The following CDH12 variants were observed in gnomAD, a reference collection of about 807,000 sequenced individuals.
CDH12 encodes the protein cadherin-12.
CDH12 carries 41 observed loss-of-function variants against 74.1 expected under a neutral mutation model. That is an observed-to-expected ratio of 0.55 (90% CI 0.43 to 0.72). The LOEUF is 0.72. Ranked by LOEUF, CDH12 falls within the 30% of genes least tolerant of loss-of-function variation. The pLI is 0.00. For synonymous variants in CDH12, 399 were observed against 355.0 expected, an observed-to-expected ratio of 1.12 and a Z score of -1.39; for missense variants, 945 against 977.2, an observed-to-expected ratio of 0.97 and a Z score of 0.44.
At chr5:21,827,869 A>G (rs1393463558) in intron 8 of CDH12, among the ~76,000 whole-genome samples, 4 of 152,172 alleles carry the variant, frequency 2.6e-5, no homozygotes, top group African/African-American at 7.2e-5. Context: ...AAGTGCATCA[A>G]TAATTTTTCA....
chr5:21,872,890 C>CTATCTATCTATCT (rs1281675541), intron 6 of CDH12, among the ~76,000 whole-genome samples: 1 of 7,538 alleles, frequency 1.3e-4, no homozygotes, highest in Non-Finnish European at 4.7e-4. Context: ...ACCTACCTAT[C>CTATCTATCTATCT]ATCCATCTAT....
intron 6 of CDH12, among the ~76,000 whole-genome samples, chr5:21,857,117 G>A (rs189425480): frequency 3.0e-4 from 45 of 151,824 alleles, no homozygotes; most frequent in African/African-American, 6.5e-4. Flanking sequence ...GCAAATCTCC[G>A]AGGACTACCT....
chr5:21,751,173 A>G lies in CDH12; in HGVS notation c.*564T>C, dbSNP rs796770777. The stretch of plus-strand genomic sequence containing the variant: ...AACCTTTTGAATTAGAAGAAGGTGG[A>G]GATCAGAAAGTGTTCTTCTTTTGTT... On this transcript the variant is annotated 3_prime_UTR_variant, in exon 15 of 15. Coordinates refer to ENST00000382254, the MANE Select transcript of CDH12 (RefSeq NM_004061.5). The G allele has an allele frequency of 6.5e-6, 1 of 152,726 alleles. No individual in the cohort carries two copies. Among genetic ancestry groups the G allele is most frequent in the Admixed American group, 6.5e-5 (1 of 15,282 alleles). 9.5% of individuals were successfully genotyped at this position (152,726 alleles called of 1,614,324 possible).
intron 1 of CDH12, among the ~76,000 whole-genome samples, chr5:22,565,730 G>A (rs1739252642): frequency 6.6e-6 from 1 of 152,094 alleles, no homozygotes; most frequent in Admixed American, 6.5e-5. Flanking sequence ...GCCATGTCAA[G>A]GACAGGCAGA....
At chr5:22,482,651 C>T (rs1440147210) in intron 2 of CDH12, among the ~76,000 whole-genome samples, 4 of 152,006 alleles carry the variant, frequency 2.6e-5, no homozygotes, top group Non-Finnish European at 4.4e-5. Flanking sequence ...TTAATGTTGT[C>T]AGCATAAGAG....
At chr5:22,304,354 G>T (rs1738016534) in intron 3 of CDH12, among the ~76,000 whole-genome samples, 1 of 152,128 alleles carries the variant, frequency 6.6e-6, no homozygotes, top group South Asian at 2.1e-4. Flanking sequence ...GGGGGTGTGT[G>T]TGCACGTACT....
At chr5:21,956,071 TA>T (rs1255014281) in intron 6 of CDH12, among the ~76,000 whole-genome samples, 1 of 152,010 alleles carries the variant, frequency 6.6e-6, no homozygotes, top group African/African-American at 2.4e-5. Flanking sequence ...GTTAAAAGCT[TA>T]AACTAATTGT....
intron 10 of CDH12, among the ~76,000 whole-genome samples, chr5:21,796,640 T>C (rs1746797286): frequency 1.3e-5 from 2 of 152,050 alleles, no homozygotes; most frequent in African/African-American, 4.8e-5. Flanking sequence ...AATTAAATAA[T>C]CTATTTTTTT....
rs937994737 is a variant in CDH12, at chr5:22,071,834, A to C, written c.231+6612T>G. Among the ~76,000 whole-genome samples the C allele has an allele frequency of 2.0e-5, 3 of 152,152 alleles. No individual in the cohort carries two copies. The South Asian group carries it at 6.2e-4, about 31-fold the overall frequency. On this transcript the variant is annotated intron_variant, in intron 5 of 14. Coordinates refer to ENST00000382254, the MANE Select transcript of CDH12 (RefSeq NM_004061.5). ...GAGTCCCAAATCTACAAGGGATACT[A>C]ATAAAACAGAAGTCAGAAATCTGTG...
intron 3 of CDH12, among the ~76,000 whole-genome samples, chr5:22,271,905 A>G (rs780450251): frequency 1.3e-5 from 2 of 152,142 alleles, no homozygotes; most frequent in Non-Finnish European, 2.9e-5. Flanking sequence ...GGGCACAGGC[A>G]GAGTAGATTT....
intron 6 of CDH12, among the ~76,000 whole-genome samples, chr5:21,972,114 C>A (rs1299288241): frequency 6.6e-6 from 1 of 152,076 alleles, no homozygotes; most frequent in Non-Finnish European, 1.5e-5. Context: ...ATTTTCATTG[C>A]AGGTTTATTT....
chr5:22,030,510 G>T (rs1738742981), intron 5 of CDH12, among the ~76,000 whole-genome samples: 1 of 152,100 alleles, frequency 6.6e-6, no homozygotes, highest in Admixed American at 6.6e-5. Context: ...ACAATACCTA[G>T]TAAGTTATGC....
intron 11 of CDH12, among the ~76,000 whole-genome samples, chr5:21,769,274 T>C (rs1745192703): frequency 6.6e-6 from 1 of 151,978 alleles, no homozygotes; most frequent in South Asian, 2.1e-4. Flanking sequence ...GACCCAAATA[T>C]AAATTTTTAA....
At chr5:22,649,660 A>C (rs774114390) in intron 1 of CDH12, among the ~76,000 whole-genome samples, 2 of 152,038 alleles carry the variant, frequency 1.3e-5, no homozygotes, top group Non-Finnish European at 2.9e-5. Context: ...GCCTATCCTT[A>C]TTTGAAAATG....
chr5:22,364,386 G>A lies in CDH12; in HGVS notation c.-333+40871C>T, dbSNP rs115474937. On this transcript the variant is annotated intron_variant, in intron 3 of 14. Transcript: ENST00000382254. ...CCTAGGTGAATCATATATAATATAA[G>A]GAGATCTGATATAGAATTTAATTGT... 4.7e-3 allele frequency among the ~76,000 whole-genome samples: 714 copies of A among 152,170 alleles called. 5 individuals carry two copies. Among genetic ancestry groups the A allele is most frequent in the African/African-American group, 0.016 (652 of 41,526 alleles).
chr5:22,302,827 T>A (rs1272247908), intron 3 of CDH12, among the ~76,000 whole-genome samples: 2 of 152,060 alleles, frequency 1.3e-5, no homozygotes, highest in Admixed American at 1.3e-4. Flanking sequence ...GAATGTTAAG[T>A]GCACTAGGAA....
chr5:22,702,330 T>G (rs748136216), intron 1 of CDH12, among the ~76,000 whole-genome samples: 2 of 152,128 alleles, frequency 1.3e-5, no homozygotes, highest in Non-Finnish European at 2.9e-5. Context: ...TCGTCACCCA[T>G]ATACAGGTAG....
chr5:22,486,622 T>G (rs1000532247), intron 2 of CDH12, among the ~76,000 whole-genome samples: 1 of 151,822 alleles, frequency 6.6e-6, no homozygotes, highest in Non-Finnish European at 1.5e-5. Context: ...TGGCTAATTT[T>G]TTTGTATTTT....
intron 1 of CDH12, among the ~76,000 whole-genome samples, chr5:22,799,659 C>T (rs1333422963): frequency 6.6e-6 from 1 of 152,080 alleles, no homozygotes; most frequent in African/African-American, 2.4e-5. Context: ...ATTGAAATCT[C>T]CAAAAGGCAA....
Sources: allele counts gnomAD v4.1 joint callset (sites outside exome capture counted in the v4.1 genomes callset), GRCh38; gene constraint gnomAD v4.1.1; transcripts MANE v1.5; gene names NCBI Gene and HGNC (gene_info 2026-07-23, HGNC 2026-07-21).